FAM90A20: variants seen among roughly 807,000 people sequenced by gnomAD.
The protein encoded by FAM90A20 is family with sequence similarity 90 member A20.
At chr8:7,297,134 T>C in the FAM90A20 span, 13 of 1,522,848 alleles carry the variant, frequency 8.5e-6, 2 homozygotes, top group Non-Finnish European at 1.2e-5. Context: ...CTCTGGTCGC[T>C]CAGCTACCGA....
At chr8:7,297,259 C>T in the FAM90A20 span, 1 of 1,432,648 alleles carries the variant, frequency 7.0e-7, no homozygotes, top group East Asian at 2.3e-5. Context: ...CCGCCGACAT[C>T]CCTCGGCCTG....
the FAM90A20 span, chr8:7,296,396 G>A: frequency 1.3e-6 from 1 of 746,276 alleles, no homozygotes; most frequent in Non-Finnish European, 2.4e-6. Context: ...GATTATCTGA[G>A]GGTGAGTGTC....
chr8:7,295,708 C>T, the FAM90A20 span: 2 of 821,758 alleles, frequency 2.4e-6, no homozygotes, highest in Admixed American at 3.6e-5. Context: ...GGAAGGCAGC[C>T]CTGGTTCCAG....
the FAM90A20 span, among the ~76,000 whole-genome samples, chr8:7,296,890 G>C: frequency 4.6e-4 from 63 of 137,172 alleles, 24 homozygotes; most frequent in African/African-American, 2.1e-3. Flanking sequence ...TCGTTCATGT[G>C]TCTTTTCCTG....
the FAM90A20 span, chr8:7,296,156 G>A: frequency 6.5e-6 from 4 of 616,556 alleles, no homozygotes; most frequent in East Asian, 8.9e-5. Context: ...GAGGGAAGGT[G>A]CAGAGGCGGA....
the FAM90A20 span, chr8:7,295,770 G>T: frequency 1.1e-5 from 14 of 1,305,518 alleles, 1 homozygote; most frequent in African/African-American, 2.6e-5. Flanking sequence ...TGGAAGCCTG[G>T]GGTTGAAGCC....
chr8:7,297,602 C>A, the FAM90A20 span: 1 of 1,474,338 alleles, frequency 6.8e-7, no homozygotes, highest in South Asian at 1.1e-5. Context: ...GGGAGGTGAG[C>A]TGGGGGCCCC....
chr8:7,297,612 C>G, the FAM90A20 span: 2 of 1,440,498 alleles, frequency 1.4e-6, no homozygotes, highest in Non-Finnish European at 1.9e-6. Context: ...CTGGGGGCCC[C>G]GGAGAATCTC....
At chr8:7,297,125 T>C in the FAM90A20 span, 4 of 1,513,598 alleles carry the variant, frequency 2.6e-6, no homozygotes, top group Non-Finnish European at 2.7e-6. Context: ...CCCTGTCCTC[T>C]CTGGTCGCTC....
chr8:7,296,843 G>T, the FAM90A20 span, among the ~76,000 whole-genome samples: 1 of 136,528 alleles, frequency 7.3e-6, no homozygotes, highest in Non-Finnish European at 1.5e-5. Context: ...TTGAACAATG[G>T]TGTGCTTAGA....
At chr8:7,297,148 G>T in the FAM90A20 span, 6 of 1,528,348 alleles carry the variant, frequency 3.9e-6, 1 homozygote, top group Middle Eastern at 2.3e-4. Flanking sequence ...CTACCGAAAT[G>T]TCTGGCAGGG....
chr8:7,297,240 C>G, the FAM90A20 span: 27 of 1,490,010 alleles, frequency 1.8e-5, 6 homozygotes, highest in East Asian at 1.6e-4. Flanking sequence ...GAAAGACAGA[C>G]AGGGGCTGCC....
chr8:7,295,976 G>T, the FAM90A20 span: 1 of 524,740 alleles, frequency 1.9e-6, no homozygotes, highest in South Asian at 2.0e-5. Flanking sequence ...CGTGTCCTCC[G>T]GGGTTCCACA....
At chr8:7,296,707 T>G in the FAM90A20 span, among the ~76,000 whole-genome samples, 1 of 135,568 alleles carries the variant, frequency 7.4e-6, no homozygotes, top group Non-Finnish European at 1.5e-5. Flanking sequence ...CATGCATGTG[T>G]TCATAGAAGA....
At chr8:7,296,871 G>T in the FAM90A20 span, among the ~76,000 whole-genome samples, 1 of 136,866 alleles carries the variant, frequency 7.3e-6, no homozygotes, top group Admixed American at 6.7e-5. Flanking sequence ...CACATAGCTC[G>T]ATAGCGCATC....
chr8:7,297,328 T>G, the FAM90A20 span: 7 of 1,366,430 alleles, frequency 5.1e-6, 1 homozygote, highest in South Asian at 3.5e-5. Context: ...ACAGCAGCCC[T>G]GAGGGTAGCT....
At chr8:7,297,008 C>A in the FAM90A20 span, 8 of 1,410,734 alleles carry the variant, frequency 5.7e-6, 1 homozygote, top group South Asian at 6.1e-5. Flanking sequence ...GTTTGATTTT[C>A]ATGTTGGCTC....
the FAM90A20 span, chr8:7,296,378 A>C: frequency 7.3e-5 from 54 of 744,638 alleles, 3 homozygotes; most frequent in Non-Finnish European, 6.1e-5. Flanking sequence ...GGATCCACGG[A>C]ATCTTCTGAT....
the FAM90A20 span, chr8:7,295,594 A>T: frequency 6.1e-6 from 4 of 659,410 alleles, 1 homozygote; most frequent in African/African-American, 9.6e-5. Flanking sequence ...CTGTGGCTTC[A>T]GCTCACTCAC....
Sources: allele counts gnomAD v4.1 joint callset (sites outside exome capture counted in the v4.1 genomes callset), GRCh38; gene constraint gnomAD v4.1.1; transcripts MANE v1.5; gene names NCBI Gene and HGNC (gene_info 2026-07-23, HGNC 2026-07-21).